TMEM161B: variants seen among roughly 807,000 people sequenced by gnomAD.
The protein encoded by TMEM161B is transmembrane protein 161B.
TMEM161B carries 34 observed loss-of-function variants against 61.8 expected under a neutral mutation model. That is an observed-to-expected ratio of 0.55 (90% CI 0.42 to 0.73). TMEM161B has a LOEUF of 0.73. Among genes scored for constraint, TMEM161B ranks in the 30% least tolerant of loss-of-function variants. The pLI is 0.00. For synonymous variants in TMEM161B, 167 were observed against 192.8 expected (o/e 0.87, Z 1.11); for missense variants, 456 against 558.5 (o/e 0.82, Z 1.85).
downstream of TMEM161B, among the ~76,000 whole-genome samples, chr5:88,193,982 A>G (rs1749245993): frequency 6.6e-6 from 1 of 152,152 alleles, no homozygotes; most frequent in Admixed American, 6.5e-5. Context: ...TTAAGTACTT[A>G]CTACTCAACT....
At chr5:88,256,560 T>C (rs1325486225) in intron 1 of TMEM161B, among the ~76,000 whole-genome samples, 2 of 152,220 alleles carry the variant, frequency 1.3e-5, no homozygotes, top group Non-Finnish European at 2.9e-5. Flanking sequence ...TCATGTGCAC[T>C]ATAAAACGTT....
chr5:88,263,188 C>A (rs1198577224), intron 1 of TMEM161B, among the ~76,000 whole-genome samples: 1 of 151,872 alleles, frequency 6.6e-6, no homozygotes, highest in Admixed American at 6.6e-5. Context: ...AAATTTGCTA[C>A]AATGTCACCT....
chr5:88,244,107 T>C (rs1343329378), intron 1 of TMEM161B, among the ~76,000 whole-genome samples: 2 of 151,964 alleles, frequency 1.3e-5, no homozygotes, highest in African/African-American at 4.8e-5. Context: ...TAGTTTCCTT[T>C]ACTGTGCAGA....
At chr5:88,240,095 G>A (rs1254248405) in intron 2 of TMEM161B, among the ~76,000 whole-genome samples, 1 of 151,796 alleles carries the variant, frequency 6.6e-6, no homozygotes, top group Non-Finnish European at 1.5e-5. Flanking sequence ...TTGTTGAGGG[G>A]TGGGAGGTAC....
chr5:88,228,925 G>A (rs192889220), intron 2 of TMEM161B, among the ~76,000 whole-genome samples: 2 of 152,234 alleles, frequency 1.3e-5, no homozygotes, highest in East Asian at 3.9e-4. Flanking sequence ...AAAAAGAGAG[G>A]TGTTTGAATG....
At chr5:88,187,242 A>T (rs1388174227), downstream of TMEM161B, among the ~76,000 whole-genome samples, 2 of 152,216 alleles carry the variant, frequency 1.3e-5, no homozygotes, top group Non-Finnish European at 2.9e-5. Context: ...CAGAATCACA[A>T]CATCACTTTA....
At chr5:88,194,975 T>C, downstream of TMEM161B, 1 of 187,740 alleles carries the variant, frequency 5.3e-6, no homozygotes, top group Non-Finnish European at 9.9e-6. Flanking sequence ...ATTCAAATTA[T>C]CCGTTTTGGC....
Position 88,206,479 on chromosome 5 carries a change from T to A in TMEM161B, c.619A>T (p.Ser207Cys). 6.3e-7 allele frequency: 1 copy of A among 1,595,594 alleles called. No individual in the cohort carries two copies. The highest frequency in any genetic ancestry group is 8.5e-7 in the Non-Finnish European group (1 of 1,171,588). ...LETGFTNFSD[S>C]AMQFLEKQGL... ...TGCTTTTCAAGAAACTGCATCGCAC[T>A]GTCTGAAAAATTTGTAAACCCTGTG... Residue 207 changes from serine (S) to cysteine (C), a missense_variant, in exon 7 of 12, where the codon AGT becomes TGT. By Grantham distance (112) the Ser-to-Cys change is moderately radical. Around this residue, in one of 3 missense-constraint regions of TMEM161B, gnomAD observed 367 missense variants for 427.3 expected, o/e 0.86. Transcript: ENST00000296595.
intron 5 of TMEM161B, among the ~76,000 whole-genome samples, chr5:88,208,935 T>C (rs1316099327): frequency 1.3e-5 from 2 of 152,180 alleles, no homozygotes; most frequent in Non-Finnish European, 2.9e-5. Flanking sequence ...AAGAATCCTT[T>C]CATATATATC....
chr5:88,216,257 A>G (rs1747810911), intron 5 of TMEM161B, among the ~76,000 whole-genome samples: 2 of 152,222 alleles, frequency 1.3e-5, no homozygotes, highest in Non-Finnish European at 2.9e-5. Flanking sequence ...GGGGAAAAAA[A>G]AGAAAAGGCA....
intron 5 of TMEM161B, among the ~76,000 whole-genome samples, chr5:88,211,602 A>G (rs557937754): frequency 6.6e-6 from 1 of 152,054 alleles, no homozygotes; most frequent in African/African-American, 2.4e-5. Context: ...TACTGAAAAT[A>G]TAAAAATTAG....
At chr5:88,216,076 A>G (rs1747771914) in intron 5 of TMEM161B, among the ~76,000 whole-genome samples, 1 of 152,142 alleles carries the variant, frequency 6.6e-6, no homozygotes, top group African/African-American at 2.4e-5. Flanking sequence ...TGGACAGCAT[A>G]GTGAGACCCC....
rs75957987 is a variant in TMEM161B at position 88,207,943 on chromosome 5, T to C, written c.447-763A>G. On this transcript the variant is annotated intron_variant, in intron 5 of 11. Coordinates refer to ENST00000296595, the MANE Select transcript of TMEM161B (RefSeq NM_153354.5). Reference sequence around the variant, plus strand: ...TGGAAAATTAACAGCTATCACTTAGTACTTGCCATATGCCGGGCATTACCA... The same window carrying C: ...TGGAAAATTAACAGCTATCACTTAGCACTTGCCATATGCCGGGCATTACCA... 3.6e-3 allele frequency among the ~76,000 whole-genome samples: 544 copies of C among 152,346 alleles called. 5 individuals are homozygous for C. Among genetic ancestry groups the C allele is most frequent in the Middle Eastern group, 0.017 (5 of 294 alleles).
At chr5:88,255,362 C>T (rs1370834889) in intron 1 of TMEM161B, among the ~76,000 whole-genome samples, 1 of 152,102 alleles carries the variant, frequency 6.6e-6, no homozygotes, top group Non-Finnish European at 1.5e-5. Context: ...ACCTGCAGCG[C>T]TTACAGACAC....
intron 9 of TMEM161B, chr5:88,201,917 T>C (rs1744479968): frequency 4.4e-6 from 1 of 227,642 alleles, no homozygotes; most frequent in African/African-American, 2.3e-5. Flanking sequence ...CAAGACAAAC[T>C]GGTACCAGGA....
chr5:88,199,251 C>A, intron 9 of TMEM161B, 101 bp from the exon 10 acceptor site: 1 of 1,190,496 alleles, frequency 8.4e-7, no homozygotes, highest in Non-Finnish European at 1.2e-6. Flanking sequence ...GAAGTCTATA[C>A]TTCGCAACAG....
At chr5:88,242,317 T>G (rs1189305128) in intron 1 of TMEM161B, among the ~76,000 whole-genome samples, 2 of 151,462 alleles carry the variant, frequency 1.3e-5, no homozygotes, top group Admixed American at 1.3e-4. Context: ...TTCCTCAACT[T>G]AAATCTCAGC....
intron 1 of TMEM161B, among the ~76,000 whole-genome samples, chr5:88,245,708 T>C (rs1420269607): frequency 1.8e-4 from 28 of 151,980 alleles, no homozygotes; most frequent in Admixed American, 1.8e-3. Context: ...TGAGGCAGTA[T>C]ATAAACTGGG....
intron 2 of TMEM161B, among the ~76,000 whole-genome samples, chr5:88,235,751 A>G (rs996235575): frequency 3.9e-5 from 6 of 152,220 alleles, no homozygotes; most frequent in African/African-American, 4.8e-5. Context: ...CACTAATGAC[A>G]GTTTTAGTCT....
Sources: allele counts gnomAD v4.1 joint callset (sites outside exome capture counted in the v4.1 genomes callset), GRCh38; gene constraint gnomAD v4.1.1; regional missense constraint gnomAD v4.1.1; transcripts MANE v1.5; gene names NCBI Gene and HGNC (gene_info 2026-07-23, HGNC 2026-07-21).